The following ST7 variants were observed in gnomAD, a reference collection of about 807,000 sequenced individuals.
The protein encoded by ST7 is suppression of tumorigenicity 7.
Under a neutral mutation model 78.7 loss-of-function variants are expected in ST7, and 28 were observed. The observed-to-expected ratio is 0.36, with a 90% CI of 0.26 to 0.49. The LOEUF (loss-of-function observed/expected upper bound fraction) is 0.49. Among genes scored for constraint, ST7 ranks in the 20% least tolerant of loss-of-function variants. The pLI, the probability that ST7 is intolerant of heterozygous loss-of-function variation, is 0.99. For synonymous variants in ST7, 247 were observed against 249.6 expected (o/e 0.99, Z 0.10); for missense variants, 418 against 696.0 (o/e 0.60, Z 4.49).
intron 1 of ST7, among the ~76,000 whole-genome samples, chr7:117,071,572 A>G (rs1798962891): frequency 1.3e-5 from 2 of 152,376 alleles, no homozygotes; most frequent in African/African-American, 4.8e-5. Context: ...TTTGATAAAT[A>G]TTAATTCAGG....
intron 1 of ST7, among the ~76,000 whole-genome samples, chr7:116,995,328 T>A (rs187811730): frequency 1.5e-4 from 23 of 152,372 alleles, no homozygotes; most frequent in Admixed American, 1.4e-3. Flanking sequence ...GGTTGTTTTA[T>A]GGTAATGTAC....
chr7:117,019,582 A>T (rs1795778182), intron 1 of ST7, among the ~76,000 whole-genome samples: 1 of 152,234 alleles, frequency 6.6e-6, no homozygotes, highest in African/African-American at 2.4e-5. Flanking sequence ...AAATACATGT[A>T]TGTAAATATA....
intron 1 of ST7, among the ~76,000 whole-genome samples, chr7:116,982,812 G>C (rs180682615): frequency 1.1e-4 from 16 of 152,274 alleles, no homozygotes; most frequent in African/African-American, 3.9e-4. Flanking sequence ...TGCCATTGAG[G>C]AGTTGCTGTT....
intron 1 of ST7, among the ~76,000 whole-genome samples, chr7:116,993,186 A>G (rs191825850): frequency 9.9e-5 from 15 of 152,258 alleles, no homozygotes; most frequent in African/African-American, 3.4e-4. Context: ...CTTTTTAGCA[A>G]CGCCCCACTC....
rs111705476 is a variant in ST7, at chr7:116,972,034, C to T, written c.151+18343C>T. 2,147 of 457,228 alleles carry T rather than the reference C, an allele frequency of 4.7e-3. 32 individuals carry two copies. Among genetic ancestry groups the T allele is most frequent in the African/African-American group, 0.038 (1,876 of 49,784 alleles). The allele number at this position is 457,228 out of a possible 1,614,324, so 28.3% of individuals were successfully genotyped here. On this transcript the variant is annotated intron_variant, in intron 1 of 15. Transcript: ENST00000323984. ...TGGGGAAAAAGACACAGGGGAGGAGCGGGAGGCAAAAGCGGAAAGCAGCCT... is the reference window on the plus strand; with the variant it reads ...TGGGGAAAAAGACACAGGGGAGGAGTGGGAGGCAAAAGCGGAAAGCAGCCT...
At chr7:117,043,018 TAAGTA>T (rs1157094565) in intron 1 of ST7, among the ~76,000 whole-genome samples, 2 of 152,174 alleles carry the variant, frequency 1.3e-5, no homozygotes, top group Non-Finnish European at 1.5e-5. Context: ...AGGAATGGAT[TAAGTA>T]ATGTTTTGAA....
chr7:116,955,136 C>T (rs548073460), intron 1 of ST7: 1 of 470,984 alleles, frequency 2.1e-6, no homozygotes, highest in Non-Finnish European at 4.4e-6. Flanking sequence ...GCAATATTGT[C>T]TTCTTCGCTT....
chr7:117,147,798 A>T (rs1201950167), intron 9 of ST7, among the ~76,000 whole-genome samples: 3 of 151,792 alleles, frequency 2.0e-5, no homozygotes, highest in Admixed American at 2.0e-4. Context: ...GATCCTAAGC[A>T]TTTTTAAATT....
chr7:117,136,490 C>T (rs909742820), intron 8 of ST7: 2 of 582,030 alleles, frequency 3.4e-6, no homozygotes, highest in Non-Finnish European at 6.0e-6. Flanking sequence ...ATGGCAGTAA[C>T]CTTTAATAGT....
At chr7:117,204,296 A>G (rs1563166204) in intron 12 of ST7, among the ~76,000 whole-genome samples, 1 of 152,242 alleles carries the variant, frequency 6.6e-6, no homozygotes, top group African/African-American at 2.4e-5. Context: ...GCCAGGTACT[A>G]TGTGAATGAA....
Position 116,966,671 on chromosome 7 carries a change from G to A in ST7, c.151+12980G>A, listed in dbSNP as rs193122489. Among the ~76,000 whole-genome samples, 10 of 152,300 alleles carry A rather than the reference G, an allele frequency of 6.6e-5. No homozygotes were observed. The South Asian group carries it at 1.7e-3, about 25-fold the overall frequency. ...TCACCCAGAAGATTAAAACATGGCA[G>A]CTAGACAGGCAATGTCAATCCTTTC... is the stretch of plus-strand genomic sequence containing the variant. On this transcript the variant is annotated intron_variant, in intron 1 of 15. Transcript: ENST00000323984.
At chr7:117,089,511 G>A (rs966982161) in intron 1 of ST7, among the ~76,000 whole-genome samples, 6 of 151,478 alleles carry the variant, frequency 4.0e-5, no homozygotes, top group South Asian at 2.1e-4. Context: ...AAACCTGTGC[G>A]GGATTACTTA....
chr7:117,084,448 AGTAATGCT>A (rs1299478325), intron 1 of ST7, among the ~76,000 whole-genome samples: 1 of 152,200 alleles, frequency 6.6e-6, no homozygotes, highest in Non-Finnish European at 1.5e-5. Flanking sequence ...ACCCAGGGTG[AGTAATGCT>A]GTGGGATCCT....
intron 2 of ST7, among the ~76,000 whole-genome samples, chr7:117,105,992 GTTTTTGT>G (rs923784298): frequency 4.1e-5 from 6 of 144,824 alleles, no homozygotes; most frequent in East Asian, 2.1e-4. Flanking sequence ...TTTTGTTTTT[GTTTTTGT>G]TTTTTTTTTT....
In ST7 at chr7:117,060,207, G is replaced by A. The variant is rs114128613; in HGVS notation, c.152-39555G>A. On this transcript the variant is annotated intron_variant, in intron 1 of 15. Transcript: ENST00000323984. Reference sequence around the variant, plus strand: ...CTGAGGCACACAGACCTTGGGTGGGGCTAGACACTGGCTGGTTAAAGAATA... The same window carrying A: ...CTGAGGCACACAGACCTTGGGTGGGACTAGACACTGGCTGGTTAAAGAATA... Among the ~76,000 whole-genome samples the A allele has an allele frequency of 5.7e-3, 874 of 152,236 alleles. 10 individuals carry two copies. Among genetic ancestry groups the A allele is most frequent in the African/African-American group, 0.019 (808 of 41,536 alleles).
intron 12 of ST7, among the ~76,000 whole-genome samples, chr7:117,200,983 A>T (rs1339827369): frequency 6.6e-6 from 1 of 152,196 alleles, no homozygotes; most frequent in African/African-American, 2.4e-5. Flanking sequence ...ATTCTATTTC[A>T]TGCAAACACT....
chr7:117,117,334 C>T (rs561659556), intron 2 of ST7, among the ~76,000 whole-genome samples: 5 of 152,214 alleles, frequency 3.3e-5, no homozygotes, highest in African/African-American at 1.2e-4. Context: ...GTGACATAGA[C>T]TTGTAGTGGC....
chr7:117,100,428 C>T (rs1443600274), intron 2 of ST7, among the ~76,000 whole-genome samples: 2 of 152,036 alleles, frequency 1.3e-5, no homozygotes, highest in Non-Finnish European at 2.9e-5. Context: ...TAGCCGAGAT[C>T]GCGCCATTGC....
chr7:117,097,901 TATATATA>T (rs1251110698), intron 1 of ST7, among the ~76,000 whole-genome samples: 20 of 36,340 alleles, frequency 5.5e-4, no homozygotes, highest in South Asian at 1.9e-3. Flanking sequence ...TATATATATA[TATATATA>T]TTTTTTTTTT....
Sources: gnomAD v4.1 joint callset for allele counts (sites outside exome capture counted in the v4.1 genomes callset) on GRCh38, gnomAD v4.1.1 for gene constraint, MANE v1.5 for transcripts, NCBI Gene and HGNC (gene_info 2026-07-23, HGNC 2026-07-21) for gene names.